The following PTPRM variants were observed in gnomAD, a reference collection of about 807,000 sequenced individuals.
PTPRM encodes the protein receptor-type tyrosine-protein phosphatase mu.
In PTPRM, 47 loss-of-function variants were observed where a neutral mutation model predicts 186.7. The ratio of observed to expected loss-of-function variants is 0.25; its 90% CI spans 0.20 to 0.32. The LOEUF is 0.32. Among genes scored for constraint, PTPRM ranks in the 10% least tolerant of loss-of-function variants. The pLI is 1.00. For missense variants in PTPRM, 1,494 were observed against 1,865.0 expected, an observed-to-expected ratio of 0.80 and a Z score of 3.66; for synonymous variants, 668 against 674.9, an observed-to-expected ratio of 0.99 and a Z score of 0.16.
At chr18:7,978,526 A>G (rs2055111418) in intron 7 of PTPRM, among the ~76,000 whole-genome samples, 1 of 152,222 alleles carries the variant, frequency 6.6e-6, no homozygotes, top group African/African-American at 2.4e-5. Flanking sequence ...TGAAGTGGTC[A>G]CGTTAATTAT....
intron 1 of PTPRM, among the ~76,000 whole-genome samples, chr18:7,719,279 G>C (rs765894064): frequency 8.6e-5 from 13 of 151,780 alleles, no homozygotes; most frequent in Non-Finnish European, 1.8e-4. Flanking sequence ...TCTAAGTGAA[G>C]TAACTCAGGA....
chr18:8,405,374 A>G lies in PTPRM; in HGVS notation c.4345-735A>G, dbSNP rs78286614. Among the ~76,000 whole-genome samples, 480 of 152,230 alleles carry G rather than the reference A, an allele frequency of 3.2e-3. 3 individuals are homozygous for G. Among genetic ancestry groups the G allele is most frequent in the African/African-American group, 0.011 (464 of 41,544 alleles). On this transcript the variant is annotated intron_variant, in intron 32 of 32. Transcript: ENST00000580170. ...GGCACTTTGAGAGTGAAAGAGGGTT[A>G]TGCCAGGACAACAGGCAGAAGCCAG...
intron 7 of PTPRM, among the ~76,000 whole-genome samples, chr18:7,977,623 G>A (rs74810283): frequency 0.013 from 2,002 of 152,244 alleles, 15 homozygotes; most frequent in South Asian, 0.033. Flanking sequence ...CCCATAATAA[G>A]AGATTTGGTT....
At chr18:7,865,112 T>C (rs1054995249) in intron 2 of PTPRM, among the ~76,000 whole-genome samples, 3 of 152,184 alleles carry the variant, frequency 2.0e-5, no homozygotes, top group African/African-American at 7.2e-5. Flanking sequence ...GAGGATGGGT[T>C]TTTCTAAATA....
chr18:7,944,412 A>G (rs1168657934), intron 5 of PTPRM, among the ~76,000 whole-genome samples: 1 of 152,028 alleles, frequency 6.6e-6, no homozygotes, highest in Non-Finnish European at 1.5e-5. Flanking sequence ...CATCAGTTGG[A>G]CTCACACCGT....
intron 1 of PTPRM, among the ~76,000 whole-genome samples, chr18:7,662,599 A>T (rs2144397755): frequency 6.6e-6 from 1 of 152,168 alleles, no homozygotes; most frequent in South Asian, 2.1e-4. Context: ...AGGGAGGGTT[A>T]AAGAGTACTA....
At chr18:8,256,632 T>C (rs1568614417) in intron 19 of PTPRM, among the ~76,000 whole-genome samples, 1 of 152,210 alleles carries the variant, frequency 6.6e-6, no homozygotes, top group Non-Finnish European at 1.5e-5. Context: ...AGCCACATGT[T>C]ATGGAAAGGG....
intron 3 of PTPRM, among the ~76,000 whole-genome samples, chr18:7,892,621 T>C (rs12604918): frequency 6.6e-6 from 1 of 152,342 alleles, no homozygotes; most frequent in Middle Eastern, 3.4e-3. Flanking sequence ...AGCTTTTTGG[T>C]TCATTTTTGA....
chr18:8,182,888 T>A (rs1028444655), intron 14 of PTPRM, among the ~76,000 whole-genome samples: 1 of 152,184 alleles, frequency 6.6e-6, no homozygotes, highest in Admixed American at 6.5e-5. Context: ...GCACTGTGAG[T>A]GTGCACGGGT....
At chr18:8,170,598 C>G (rs1319554201) in intron 14 of PTPRM, among the ~76,000 whole-genome samples, 1 of 151,834 alleles carries the variant, frequency 6.6e-6, no homozygotes, top group African/African-American at 2.4e-5. Context: ...ATTTTCCTAC[C>G]TTTCTGTGTA....
chr18:8,374,758 A>AT (rs1214696392), intron 24 of PTPRM, among the ~76,000 whole-genome samples: 1 of 152,258 alleles, frequency 6.6e-6, no homozygotes, highest in Admixed American at 6.5e-5. Flanking sequence ...TTTGTGGGTT[A>AT]TTAAATGAAG....
chr18:8,282,723 T>C (rs557832085), intron 19 of PTPRM, among the ~76,000 whole-genome samples: 2 of 152,282 alleles, frequency 1.3e-5, no homozygotes, highest in South Asian at 4.1e-4. Flanking sequence ...GCAATAGCAC[T>C]GCTGGGCATT....
At chr18:7,623,930 C>T (rs1023639994) in intron 1 of PTPRM, among the ~76,000 whole-genome samples, 1 of 152,098 alleles carries the variant, frequency 6.6e-6, no homozygotes, top group Non-Finnish European at 1.5e-5. Context: ...GCCTTGGGCA[C>T]ACTTGGAGTG....
intron 7 of PTPRM, among the ~76,000 whole-genome samples, chr18:8,034,469 A>G (rs1220181582): frequency 6.6e-6 from 1 of 152,188 alleles, no homozygotes; most frequent in African/African-American, 2.4e-5. Context: ...TGAAACTAAA[A>G]AAAAAGTTAT....
intron 2 of PTPRM, among the ~76,000 whole-genome samples, chr18:7,884,775 T>C (rs192634044): frequency 1.3e-5 from 2 of 151,508 alleles, no homozygotes; most frequent in Admixed American, 6.6e-5. Flanking sequence ...ATACAAAAAA[T>C]TAGCCAGGGA....
chr18:8,017,011 A>G (rs1339988616), intron 7 of PTPRM, among the ~76,000 whole-genome samples: 2 of 152,236 alleles, frequency 1.3e-5, no homozygotes, highest in East Asian at 1.9e-4. Context: ...CATGTTCATT[A>G]TATAAACCCA....
intron 23 of PTPRM, among the ~76,000 whole-genome samples, chr18:8,367,333 C>G (rs932594379): frequency 1.3e-5 from 2 of 152,214 alleles, no homozygotes; most frequent in Admixed American, 6.5e-5. Flanking sequence ...TGCCTGTGCT[C>G]GGGAGGGGCC....
intron 7 of PTPRM, among the ~76,000 whole-genome samples, chr18:7,958,325 C>G (rs918356293): frequency 6.6e-6 from 1 of 151,754 alleles, no homozygotes; most frequent in Non-Finnish European, 1.5e-5. Context: ...TCTCATAATT[C>G]TCACATTTAT....
chr18:8,045,825 C>T (rs1041115388), intron 7 of PTPRM, among the ~76,000 whole-genome samples: 1 of 152,152 alleles, frequency 6.6e-6, no homozygotes, highest in South Asian at 2.1e-4. Context: ...GACATATTAA[C>T]TATAGCTCAA....
Sources: allele counts gnomAD v4.1 joint callset (sites outside exome capture counted in the v4.1 genomes callset), GRCh38; gene constraint gnomAD v4.1.1; transcripts MANE v1.5; gene names NCBI Gene and HGNC (gene_info 2026-07-23, HGNC 2026-07-21).